Variants in NLRC4 observed in about 807,000 individuals in gnomAD.
The protein encoded by NLRC4 is NLR family CARD domain containing 4.
A neutral mutation model predicts 79.9 loss-of-function variants in NLRC4; 63 were observed. The observed-to-expected ratio is 0.79, with a 90% CI of 0.64 to 0.97. The LOEUF (loss-of-function observed/expected upper bound fraction) is 0.97, where lower values mean the gene tolerates loss of function less well. Among genes scored for constraint, NLRC4 ranks in the 50% least tolerant of loss-of-function variants. The pLI is 0.00. For synonymous variants in NLRC4, 461 were observed against 456.5 expected (o/e 1.01, Z -0.12); for missense variants, 1,074 against 1,215.2 (o/e 0.88, Z 1.73).
Position 32,249,950 on chromosome 2 carries a change from C to T in NLRC4, c.1914G>A (p.Glu638=), listed in dbSNP as rs748258843. ...TGCTGGGAATGTAGGTTTCTGGGGC[C>T]TCTTCCATGTGGATTCCACCTGTGT... ...AEDTGGIHME[E]APETYIPSRA... The change falls in exon 4 of 9, where the codon GAG becomes GAA. Residue 638 remains glutamate (E), a synonymous_variant. Coordinates refer to ENST00000402280, the MANE Select transcript of NLRC4 (RefSeq NM_001199138.2). The T allele has an allele frequency of 5.6e-6, 9 of 1,614,188 alleles. No homozygotes were observed. The highest frequency in any genetic ancestry group is 7.6e-6 in the Non-Finnish European group (9 of 1,180,040).
intron 5 of NLRC4, among the ~76,000 whole-genome samples, chr2:32,238,594 C>A (rs1022434893): frequency 1.3e-5 from 2 of 152,130 alleles, no homozygotes; most frequent in African/African-American, 4.8e-5. Flanking sequence ...TATACTCTTA[C>A]CGTAATTCTT....
At chr2:32,227,900 T>C (rs1190417593) in intron 8 of NLRC4, among the ~76,000 whole-genome samples, 1 of 152,144 alleles carries the variant, frequency 6.6e-6, no homozygotes, top group Admixed American at 6.5e-5. Flanking sequence ...AATGGCTTGA[T>C]TGGAATTCCA....
chr2:32,244,242 C>A (rs1014973477), intron 4 of NLRC4, among the ~76,000 whole-genome samples: 1 of 151,982 alleles, frequency 6.6e-6, no homozygotes. Context: ...AGAACAAGAC[C>A]CTGCCTCAAA....
intron 8 of NLRC4, among the ~76,000 whole-genome samples, chr2:32,226,457 T>G (rs769224549): frequency 3.3e-5 from 5 of 152,254 alleles, no homozygotes; most frequent in Non-Finnish European, 5.9e-5. Flanking sequence ...GTGGTCAAGA[T>G]GCTAGCGGCT....
chr2:32,250,667 C>T lies in NLRC4; in HGVS notation c.1197G>A (p.Glu399=). 9 of 1,614,182 alleles carry T rather than the reference C, an allele frequency of 5.6e-6. No homozygotes were observed. Among genetic ancestry groups the T allele is most frequent in the Non-Finnish European group, 6.8e-6 (8 of 1,180,030 alleles). ...SLDHCGDLAL[E]GVFSHKFDFE... is the part of the protein sequence containing the mutation. ...AATCAAACTTGTGGGAGAACACACC[C>T]TCCAGAGCTAGGTCTCCACAGTGGT... Residue 399 remains glutamate, a synonymous_variant, in exon 4 of 9, where the codon GAG becomes GAA. Coordinates refer to ENST00000402280, the MANE Select transcript of NLRC4 (RefSeq NM_001199138.2). The surrounding 1 kb of genome is among the most constrained non-coding windows in gnomAD (Gnocchi z 4.9).
intron 8 of NLRC4, among the ~76,000 whole-genome samples, chr2:32,231,748 T>C (rs1573470290): frequency 6.6e-6 from 1 of 151,510 alleles, no homozygotes. Context: ...TTTTTGGAGA[T>C]TGAGTTTTGC....
chr2:32,237,916 T>G (rs181287171), intron 6 of NLRC4, among the ~76,000 whole-genome samples: 38 of 152,362 alleles, frequency 2.5e-4, no homozygotes, highest in African/African-American at 7.7e-4. Flanking sequence ...ACATCTTCAA[T>G]TATTCTGAAA....
At position 32,224,769 on chromosome 2, in the gene NLRC4, G is replaced by A; in HGVS notation, c.2783-4C>T. ...GGGTTCTTTCCAAAAAATGCACCTG[G>A]GTAAAGAAATAAGTATATTAGTTGG... On this transcript the variant is annotated splice_polypyrimidine_tract_variant and splice_region_variant and intron_variant, in intron 8 of 8. Transcript: ENST00000402280. 5.9e-6 allele frequency: 9 copies of A among 1,532,896 alleles called. No homozygotes were observed. The highest frequency in any genetic ancestry group is 2.2e-5 in the Admixed American group (1 of 46,078). The allele number at this position is 1,532,896 out of a possible 1,614,324, so 95.0% of individuals were successfully genotyped here.
In NLRC4 at chr2:32,241,369, CTTTTTTT is replaced by C. The variant is rs34150887; in HGVS notation, c.2258-251_2258-245del. On this transcript the variant is annotated intron_variant, in intron 4 of 8. Transcript: ENST00000402280. ...CCCAGATAACAGGGAAAAAAATTTC[CTTTTTTT>C]TTTTTTTTTTTTTTTTTTGAGACAG... Among the ~76,000 whole-genome samples the C allele has an allele frequency of 7.3e-4, 54 of 74,364 alleles. No individual in the cohort carries two copies. In the South Asian group the frequency reaches 0.01, roughly 14 times the overall value. 48.8% of individuals were successfully genotyped at this position (74,364 alleles called of 152,430 possible). A position where few individuals can be genotyped will look rare whatever the true frequency, so the allele number is the denominator to read the frequency against.
At chr2:32,258,983 C>G (rs1203613721) in intron 1 of NLRC4, among the ~76,000 whole-genome samples, 2 of 152,120 alleles carry the variant, frequency 1.3e-5, no homozygotes, top group Non-Finnish European at 2.9e-5. Context: ...ACTAGAATCA[C>G]TGGGTGGAGA....
rs1373171902 is a variant in NLRC4 at position 32,249,869 on chromosome 2, T to A, written c.1995A>T (p.Thr665=). The A allele has an allele frequency of 1.2e-6, 2 of 1,614,164 alleles. No homozygotes were observed. Among genetic ancestry groups the A allele is most frequent in the East Asian group, 4.5e-5 (2 of 44,894 alleles). Reference sequence around the variant, plus strand: ...TATTCAACTTGCTGAAATCCCGGAGTGTGACCTCCAGAGTCCTGAATTCCT... The same window carrying A: ...TATTCAACTTGCTGAAATCCCGGAGAGTGACCTCCAGAGTCCTGAATTCCT... The part of the protein sequence containing the change: ...WKQEFRTLEV[T]LRDFSKLNKQ... The change falls in exon 4 of 9, where the codon ACA becomes ACT. Residue 665 remains threonine (T), a synonymous_variant. Coordinates refer to ENST00000402280, the MANE Select transcript of NLRC4 (RefSeq NM_001199138.2).
At chr2:32,240,295 G>T (rs760126005) in intron 5 of NLRC4, among the ~76,000 whole-genome samples, 1 of 151,664 alleles carries the variant, frequency 6.6e-6, no homozygotes, top group Non-Finnish European at 1.5e-5. Flanking sequence ...GCCATGTTTG[G>T]CTTATAGGCT....
At chr2:32,240,074 G>C (rs984400828) in intron 5 of NLRC4, among the ~76,000 whole-genome samples, 1 of 152,164 alleles carries the variant, frequency 6.6e-6, no homozygotes, top group South Asian at 2.1e-4. Context: ...TCCTCCTCCT[G>C]AGTTCAAGTG....
At chr2:32,262,939 T>A (rs1687386366) in intron 1 of NLRC4, among the ~76,000 whole-genome samples, 2 of 149,834 alleles carry the variant, frequency 1.3e-5, no homozygotes, top group African/African-American at 4.9e-5. Flanking sequence ...TAATATATAT[T>A]ATATATATAT....
At chr2:32,244,544 CAA>C (rs373739695) in intron 4 of NLRC4, among the ~76,000 whole-genome samples, 133 of 147,240 alleles carry the variant, frequency 9.0e-4, no homozygotes, top group African/African-American at 2.8e-3. Flanking sequence ...TGAAATAAGG[CAA>C]AAAAAAAAAA....
chr2:32,237,454 A>C (rs1335443046), intron 6 of NLRC4, among the ~76,000 whole-genome samples: 1 of 152,228 alleles, frequency 6.6e-6, no homozygotes, highest in East Asian at 1.9e-4. Context: ...GTACTTATCC[A>C]GCCTTTTTCA....
chr2:32,254,479 C>T (rs991477690), intron 2 of NLRC4, among the ~76,000 whole-genome samples: 4 of 151,820 alleles, frequency 2.6e-5, no homozygotes, highest in Non-Finnish European at 4.4e-5. Flanking sequence ...AGGTCTAATT[C>T]TGAAACGTAG....
intron 5 of NLRC4, 124 bp from the exon 6 acceptor site, chr2:32,238,426 G>T: frequency 1.3e-6 from 1 of 759,382 alleles, no homozygotes; most frequent in Non-Finnish European, 2.1e-6. Flanking sequence ...TTCCTGCAGC[G>T]ACTTTAAGTT....
rs1483771516 is a variant in NLRC4 at position 32,250,324 on chromosome 2, G to C, written c.1540C>G (p.Gln514Glu). 6.2e-7 allele frequency: 1 copy of C among 1,614,030 alleles called. No homozygotes were observed. The highest frequency in any genetic ancestry group is 1.3e-5 in the African/African-American group (1 of 74,928). Residue 514 changes from glutamine (Q) to glutamate (E), a missense_variant, in exon 4 of 9, where the codon CAA becomes GAA. Coordinates refer to ENST00000402280, the MANE Select transcript of NLRC4 (RefSeq NM_001199138.2). This position sits in a 1 kb window ranked among gnomAD's most constrained non-coding sequence, Gnocchi z 4.9. Reference sequence around the variant, plus strand: ...GAAAGTCCGAGAAGGCAGCCGTGTTGATACACTGCTGCGAGGTGCTTCATA... The same window carrying C: ...GAAAGTCCGAGAAGGCAGCCGTGTTCATACACTGCTGCGAGGTGCTTCATA... ...AVMKHLAAVYQHGCLLGLSIA... is the reference protein window; with the variant it reads ...AVMKHLAAVYEHGCLLGLSIA...
Sources: allele counts gnomAD v4.1 joint callset (sites outside exome capture counted in the v4.1 genomes callset), GRCh38; gene constraint gnomAD v4.1.1; non-coding constraint Gnocchi (gnomAD v3.1); transcripts MANE v1.5; gene names NCBI Gene and HGNC (gene_info 2026-07-23, HGNC 2026-07-21).